ATP13A3: variants seen among roughly 807,000 people sequenced by gnomAD.
ATP13A3 encodes polyamine-transporting ATPase 13A3.
Under a neutral mutation model 158.1 loss-of-function variants are expected in ATP13A3, and 59 were observed. That is an observed-to-expected ratio of 0.37 (90% CI 0.30 to 0.46). The LOEUF is 0.46. Among genes scored for constraint, ATP13A3 ranks in the 20% least tolerant of loss-of-function variants. ATP13A3 has a pLI of 1.00. For missense variants in ATP13A3, 1,166 were observed against 1,525.2 expected (o/e 0.76, Z 3.92); for synonymous variants, 491 against 504.3 (o/e 0.97, Z 0.35).
chr3:194,406,374 G>A (rs1483772500), intron 33 of ATP13A3, among the ~76,000 whole-genome samples: 2 of 152,150 alleles, frequency 1.3e-5, no homozygotes, highest in African/African-American at 4.8e-5. Context: ...AGACCAGCCT[G>A]GGCAACACAA....
At chr3:194,419,275 G>C (rs570417969) in intron 31 of ATP13A3, among the ~76,000 whole-genome samples, 37 of 152,018 alleles carry the variant, frequency 2.4e-4, no homozygotes, top group Admixed American at 9.2e-4. Flanking sequence ...TAATGAAACA[G>C]GGAATGACAG....
intron 27 of ATP13A3, among the ~76,000 whole-genome samples, 153 bp downstream of exon 27, chr3:194,429,525 C>G (rs1464453437): frequency 1.3e-5 from 2 of 152,202 alleles, no homozygotes; most frequent in African/African-American, 2.4e-5. Flanking sequence ...TTTCAATTTG[C>G]TATTCAAACT....
At chr3:194,428,231 A>AAAAAG (rs1553797772) in intron 28 of ATP13A3, among the ~76,000 whole-genome samples, 2 of 141,792 alleles carry the variant, frequency 1.4e-5, no homozygotes, top group African/African-American at 2.8e-5. Context: ...AAAAAAAAAA[A>AAAAAG]AAAAAAGAAA....
chr3:194,472,021 T>TCTGCAGGCAACCAGCTGATTG, intron 2 of ATP13A3: 2 of 152,648 alleles, frequency 1.3e-5, no homozygotes, highest in East Asian at 3.9e-4. Flanking sequence ...GAGGCTCACT[T>TCTGCAGGCAACCAGCTGATTG]CTGCAGGCAA....
intron 2 of ATP13A3, among the ~76,000 whole-genome samples, chr3:194,466,112 G>GA (rs959815717): frequency 7.4e-4 from 112 of 152,052 alleles, no homozygotes; most frequent in African/African-American, 2.7e-3. Context: ...ACAGTACTTA[G>GA]AAAAAAATTT....
At chr3:194,465,348 T>TA (rs1353126083) in intron 2 of ATP13A3, among the ~76,000 whole-genome samples, 1 of 152,114 alleles carries the variant, frequency 6.6e-6, no homozygotes, top group Non-Finnish European at 1.5e-5. Flanking sequence ...TCTGACCCAC[T>TA]AAGAACACGA....
At chr3:194,419,832 T>C (rs200791396) in intron 31 of ATP13A3, 47 bp downstream of exon 31, 18 of 1,542,756 alleles carry the variant, frequency 1.2e-5, no homozygotes, top group South Asian at 1.3e-5. Context: ...AAGAAATGTA[T>C]ACAGGTTAGT....
chr3:194,469,932 T>C (rs186551778), intron 2 of ATP13A3, among the ~76,000 whole-genome samples: 1 of 152,226 alleles, frequency 6.6e-6, no homozygotes, highest in African/African-American at 2.4e-5. Flanking sequence ...AATTTCAATT[T>C]TAATACCTAT....
chr3:194,476,959 C>A (rs1720553935), intron 2 of ATP13A3, among the ~76,000 whole-genome samples: 1 of 152,150 alleles, frequency 6.6e-6, no homozygotes, highest in Admixed American at 6.5e-5. Context: ...ATGTAAGATC[C>A]TACAGACTCT....
rs1714730542 is a variant in ATP13A3, at chr3:194,403,240, C to G, written c.*2679G>C. 1.3e-5 allele frequency: 2 copies of G among 152,200 alleles called. No individual in the cohort carries two copies. The highest frequency in any genetic ancestry group is 4.8e-5 in the African/African-American group (2 of 41,450). The allele number at this position is 152,200 out of a possible 1,614,324, so 9.4% of individuals were successfully genotyped here. On this transcript the variant is annotated 3_prime_UTR_variant, in exon 34 of 34. Coordinates refer to ENST00000645319, the MANE Select transcript of ATP13A3 (RefSeq NM_001367549.1). ...AAAATAAATAGAGTAAAAACTGCAA[C>G]AGTTTTGTTTAGATGCAAGTGCAAT...
chr3:194,417,382 C>G (rs1399353777), intron 31 of ATP13A3, among the ~76,000 whole-genome samples: 1 of 140,438 alleles, frequency 7.1e-6, no homozygotes, highest in Non-Finnish European at 1.5e-5. Flanking sequence ...GCCTGGGTAC[C>G]AGAGCCAGAT....
intron 33 of ATP13A3, among the ~76,000 whole-genome samples, chr3:194,410,295 G>GAAAAA (rs1175574544): frequency 8.7e-4 from 2 of 2,290 alleles, no homozygotes; most frequent in East Asian, 0.016. Context: ...CCTCCTCTCT[G>GAAAAA]CAAAAAAAAA....
At chr3:194,465,065 G>A (rs899610782) in intron 2 of ATP13A3, among the ~76,000 whole-genome samples, 4 of 152,066 alleles carry the variant, frequency 2.6e-5, no homozygotes, top group Non-Finnish European at 4.4e-5. Flanking sequence ...TTGCCCTTCT[G>A]CCCTAAAGCA....
At chr3:194,471,511 G>A (rs148867701) in intron 2 of ATP13A3, among the ~76,000 whole-genome samples, 168 of 152,020 alleles carry the variant, frequency 1.1e-3, no homozygotes, top group South Asian at 4.2e-3. Context: ...GTACCATCAC[G>A]CCCAGCAAAT....
chr3:194,444,002 G>A (rs568851180), intron 15 of ATP13A3, among the ~76,000 whole-genome samples: 255 of 152,192 alleles, frequency 1.7e-3, no homozygotes, highest in African/African-American at 5.9e-3. Flanking sequence ...TGAGAAGAAT[G>A]TAAAAACCAC....
chr3:194,408,319 C>T (rs961374749), intron 33 of ATP13A3, among the ~76,000 whole-genome samples: 3 of 152,154 alleles, frequency 2.0e-5, no homozygotes, highest in African/African-American at 7.2e-5. Flanking sequence ...CCGCACCTGG[C>T]CAAAAGCTGT....
At chr3:194,484,077 G>T (rs1450321839) in intron 2 of ATP13A3, among the ~76,000 whole-genome samples, 2 of 152,122 alleles carry the variant, frequency 1.3e-5, no homozygotes, top group Non-Finnish European at 2.9e-5. Context: ...TGACATATCT[G>T]ATTTATCACC....
Position 194,447,006 on chromosome 3 carries a change from A to G in ATP13A3, c.1418T>C (p.Leu473Pro). The G allele has an allele frequency of 1.2e-6, 2 of 1,613,524 alleles. No individual in the cohort carries two copies. Among genetic ancestry groups the G allele is most frequent in the Non-Finnish European group, 1.7e-6 (2 of 1,179,760 alleles). ...TAGIVYAQRR[L>P]KKIGIFCISP... The stretch of plus-strand genomic sequence containing the variant: ...GATACAGAAAATACCGATTTTTTTC[A>G]GTCTTCTCTGAGCATACACAATACC... The change falls in exon 14 of 34, where the codon CTG becomes CCG. Residue 473 changes from leucine to proline, a missense_variant. Physicochemically the swap from Leu to Pro is moderately conservative, Grantham distance 98. Coordinates refer to ENST00000645319, the MANE Select transcript of ATP13A3 (RefSeq NM_001367549.1).
chr3:194,421,768 C>A (rs1229063782), intron 30 of ATP13A3, among the ~76,000 whole-genome samples: 1 of 151,426 alleles, frequency 6.6e-6, no homozygotes, highest in African/African-American at 2.4e-5. Context: ...AAGACAAAAT[C>A]AGAAAAAGGA....
Sources: gnomAD v4.1 joint callset for allele counts (sites outside exome capture counted in the v4.1 genomes callset) on GRCh38, gnomAD v4.1.1 for gene constraint, MANE v1.5 for transcripts, NCBI Gene and HGNC (gene_info 2026-07-23, HGNC 2026-07-21) for gene names.